NXPE3: variants seen among roughly 807,000 people sequenced by gnomAD.
NXPE3 encodes the protein NXPE family member 3.
Under a neutral mutation model 46.1 loss-of-function variants are expected in NXPE3, and 26 were observed. The observed-to-expected ratio is 0.56, with a 90% confidence interval of 0.41 to 0.78. NXPE3 has a LOEUF of 0.78. NXPE3 is among the 30% of genes least tolerant of loss of function. NXPE3 has a pLI of 0.00. For missense variants in NXPE3, 620 were observed against 686.0 expected (o/e 0.90, Z 1.07); for synonymous variants, 272 against 257.9 (o/e 1.05, Z -0.52).
chr3:101,789,820 A>ACTCCCCC (rs1940399778), intron 4 of NXPE3, among the ~76,000 whole-genome samples: 1 of 152,004 alleles, frequency 6.6e-6, no homozygotes, highest in African/African-American at 2.4e-5. Flanking sequence ...CCTCCCAAGT[A>ACTCCCCC]ACTGGGACTA....
Position 101,785,628 on chromosome 3 carries a change from T to G in NXPE3, c.32T>G (p.Phe11Cys). ...ACCAATTTCTTCAAACTACGGCTTT[T>G]CTGCTGTCTGCTTGCAGTGTTGATG... MWTNFFKLRL[F>C]CCLLAVLMVV... The change falls in exon 4 of 8, where the codon TTC becomes TGC. Residue 11 changes from phenylalanine to cysteine, a missense_variant. This residue lies in a region of NXPE3 where 511 missense variants were observed against 528.6 expected (regional missense o/e 0.97). Transcript: ENST00000273347. The G allele has an allele frequency of 6.2e-7, 1 of 1,614,134 alleles. No homozygotes were observed. The highest frequency in any genetic ancestry group is 8.5e-7 in the Non-Finnish European group (1 of 1,179,990).
Position 101,822,709 on chromosome 3 carries a change from A to G in NXPE3, c.*755A>G, listed in dbSNP as rs1432023401. The G allele has an allele frequency of 6.6e-6, 1 of 152,132 alleles. No individual in the cohort carries two copies. Among genetic ancestry groups the G allele is most frequent in the East Asian group, 1.9e-4 (1 of 5,206 alleles). The allele number at this position is 152,132 out of a possible 1,614,324, so 9.4% of individuals were successfully genotyped here. On this transcript the variant is annotated 3_prime_UTR_variant, in exon 8 of 8. Coordinates refer to ENST00000273347, the MANE Select transcript of NXPE3 (RefSeq NM_145037.4). ...CTAGAATAACTACTTTTGGAACTGG[A>G]AGGGGGAAATCTGTAAATGGAAATT...
chr3:101,802,051 T>G (rs1941190150), intron 5 of NXPE3, 62 bp downstream of exon 5: 1 of 1,473,846 alleles, frequency 6.8e-7, no homozygotes, highest in Non-Finnish European at 9.0e-7. Flanking sequence ...CTTGTCCCAT[T>G]TAGGAGACTT....
intron 6 of NXPE3, among the ~76,000 whole-genome samples, chr3:101,807,858 G>C (rs776545984): frequency 6.6e-6 from 1 of 151,978 alleles, no homozygotes; most frequent in Non-Finnish European, 1.5e-5. Context: ...TCAAAAAGTT[G>C]TGTTGGACAT....
Position 101,801,509 on chromosome 3 carries a change from T to C in NXPE3, c.368T>C (p.Leu123Pro), listed in dbSNP as rs745462350. The change falls in exon 5 of 8, where the codon CTT becomes CCT. Residue 123 changes from leucine to proline, a missense_variant. By Grantham distance (98) the Leu-to-Pro change is moderately conservative. Transcript: ENST00000273347. ...SAAFFKVGSQLEVLVHVQDFQ... is the reference protein window; with the variant it reads ...SAAFFKVGSQPEVLVHVQDFQ... ...GCCTTCTTTAAGGTGGGAAGCCAGC[T>C]TGAGGTGCTGGTTCATGTGCAGGAT... is the stretch of plus-strand genomic sequence containing the variant. 1 of 1,614,168 alleles carries C rather than the reference T, an allele frequency of 6.2e-7. No individual in the cohort carries two copies. The highest frequency in any genetic ancestry group is 8.5e-7 in the Non-Finnish European group (1 of 1,180,048).
intron 4 of NXPE3, among the ~76,000 whole-genome samples, chr3:101,787,742 A>G: frequency 6.6e-6 from 1 of 152,240 alleles, no homozygotes; most frequent in African/African-American, 2.4e-5. Context: ...ACGGAGGAAT[A>G]TTATTCAACC....
At chr3:101,803,120 G>T (rs146548482) in intron 5 of NXPE3, among the ~76,000 whole-genome samples, 2 of 152,258 alleles carry the variant, frequency 1.3e-5, no homozygotes, top group East Asian at 3.9e-4. Flanking sequence ...AACATTCCTT[G>T]GTAGAGAGAA....
At chr3:101,813,912 A>C (rs1245271301) in intron 6 of NXPE3, among the ~76,000 whole-genome samples, 1 of 152,204 alleles carries the variant, frequency 6.6e-6, no homozygotes, top group East Asian at 1.9e-4. Flanking sequence ...AGTTGACCAT[A>C]AGGGGGCAAC....
At chr3:101,786,489 A>G (rs531610047) in intron 4 of NXPE3, among the ~76,000 whole-genome samples, 1 of 152,358 alleles carries the variant, frequency 6.6e-6, no homozygotes, top group East Asian at 1.9e-4. Flanking sequence ...TGAAATGGGC[A>G]CACTAAGGTC....
Position 101,825,221 on chromosome 3 carries a change from T to C in NXPE3, c.*3267T>C, listed in dbSNP as rs1373354994. 6.6e-6 allele frequency: 1 copy of C among 152,224 alleles called. No individual in the cohort carries two copies. Among genetic ancestry groups the C allele is most frequent in the Non-Finnish European group, 1.5e-5 (1 of 68,038 alleles). The allele number at this position is 152,224 out of a possible 1,614,324, so 9.4% of individuals were successfully genotyped here. A position where few individuals can be genotyped will look rare whatever the true frequency, so the allele number is the denominator to read the frequency against. ...TTTATGTGTCCATGTGTTCTCATCATTTAGCTCTCACTTATCAGTGAGAAC... is the reference window on the plus strand; with the variant it reads ...TTTATGTGTCCATGTGTTCTCATCACTTAGCTCTCACTTATCAGTGAGAAC... On this transcript the variant is annotated 3_prime_UTR_variant, in exon 8 of 8. Coordinates refer to ENST00000273347, the MANE Select transcript of NXPE3 (RefSeq NM_145037.4).
intron 6 of NXPE3, among the ~76,000 whole-genome samples, chr3:101,811,037 T>C (rs748368344): frequency 6.6e-6 from 1 of 152,126 alleles, no homozygotes; most frequent in East Asian, 1.9e-4. Flanking sequence ...GCCAGGCTGG[T>C]CTCGAACTCC....
At chr3:101,782,898 T>G (rs1357818599) in intron 3 of NXPE3, 118 bp downstream of exon 3, 1 of 152,226 alleles carries the variant, frequency 6.6e-6, no homozygotes, top group East Asian at 1.9e-4. Flanking sequence ...ACCTCCTGTT[T>G]TGGCCTCCCA....
chr3:101,819,429 T>C (rs1942147605), intron 7 of NXPE3, among the ~76,000 whole-genome samples: 1 of 152,186 alleles, frequency 6.6e-6, no homozygotes. Flanking sequence ...AATTTTTAAT[T>C]TGCGATGCTA....
intron 5 of NXPE3, among the ~76,000 whole-genome samples, chr3:101,806,482 A>G (rs1030271714): frequency 2.6e-5 from 4 of 152,104 alleles, no homozygotes; most frequent in Non-Finnish European, 5.9e-5. Context: ...TTCGAGTAGT[A>G]TATGTTTTAT....
intron 5 of NXPE3, among the ~76,000 whole-genome samples, chr3:101,803,926 G>T (rs1483561641): frequency 6.6e-6 from 1 of 152,120 alleles, no homozygotes; most frequent in South Asian, 2.1e-4. Flanking sequence ...CGTTAGAGTT[G>T]TGTTTTTAGA....
At chr3:101,808,854 T>TACATACATATATATATAC (rs1553803067) in intron 6 of NXPE3, among the ~76,000 whole-genome samples, 3 of 100,348 alleles carry the variant, frequency 3.0e-5, no homozygotes, top group African/African-American at 7.2e-5. Context: ...TATATATATA[T>TACATACATATATATATAC]ATGAGACATT....
chr3:101,818,773 T>A (rs1942113905), intron 7 of NXPE3, among the ~76,000 whole-genome samples: 2 of 100,190 alleles, frequency 2.0e-5, no homozygotes, highest in African/African-American at 7.8e-5. Context: ...TTTTTTTTTT[T>A]TTTTTTTTTT....
intron 3 of NXPE3, among the ~76,000 whole-genome samples, chr3:101,784,814 C>A (rs1940052706): frequency 6.6e-6 from 1 of 152,092 alleles, no homozygotes; most frequent in South Asian, 2.1e-4. Flanking sequence ...GTGTGTCTTC[C>A]TGTGCCTTAT....
rs918148307 is a variant in NXPE3 at position 101,821,290 on chromosome 3, C to T, written c.1130-114C>T. The T allele has an allele frequency of 3.1e-5, 24 of 773,804 alleles. 1 individual carries two copies. The African/African-American group carries it at 3.6e-4, about 12-fold the overall frequency. 47.9% of individuals were successfully genotyped at this position (773,804 alleles called of 1,614,324 possible). On this transcript the variant is annotated intron_variant, in intron 7 of 7. Transcript: ENST00000273347. ...GTATTCCCTTTACATTTATATTGTA[C>T]CTTTTTGTTGTACTTAAAAAAAAAT... is the stretch of plus-strand genomic sequence containing the variant.
Sources: allele counts gnomAD v4.1 joint callset (sites outside exome capture counted in the v4.1 genomes callset), GRCh38; gene constraint gnomAD v4.1.1; regional missense constraint gnomAD v4.1.1; transcripts MANE v1.5; gene names NCBI Gene and HGNC (gene_info 2026-07-23, HGNC 2026-07-21).